The following TDRD9 variants were observed in gnomAD, a reference collection of about 807,000 sequenced individuals.
TDRD9 encodes the protein ATP-dependent RNA helicase TDRD9.
Under a neutral mutation model 172.6 loss-of-function variants are expected in TDRD9, and 124 were observed. The observed-to-expected ratio is 0.72, with a 90% CI of 0.62 to 0.83. The LOEUF (loss-of-function observed/expected upper bound fraction) is 0.83. Ranked by LOEUF, TDRD9 falls within the 40% of genes least tolerant of loss-of-function variation. TDRD9 has a pLI of 0.00. For synonymous variants in TDRD9, 619 were observed against 617.1 expected, an observed-to-expected ratio of 1.00 and a Z score of -0.05; for missense variants, 1,479 against 1,714.1, an observed-to-expected ratio of 0.86 and a Z score of 2.42.
At chr14:103,938,851 AT>A (rs1275614257) in intron 1 of TDRD9, among the ~76,000 whole-genome samples, 2 of 152,100 alleles carry the variant, frequency 1.3e-5, no homozygotes, top group Non-Finnish European at 2.9e-5. Flanking sequence ...TAAAATTTCT[AT>A]TTGATTTATA....
chr14:104,049,128 G>T (rs539867204), intron 34 of TDRD9, among the ~76,000 whole-genome samples: 1 of 151,710 alleles, frequency 6.6e-6, no homozygotes, highest in Non-Finnish European at 1.5e-5. Context: ...GTATGTGTGT[G>T]TGTGTGTGTG....
rs1483928412 is a variant in TDRD9, at chr14:103,938,436, A to ATTTTTTTTTTTT, written c.215+9713_215+9714insTTTTTTTTTTTT. On this transcript the variant is annotated intron_variant, in intron 1 of 35. Transcript: ENST00000409874. ...TGTGTATATATATATATATATATAT[A>ATTTTTTTTTTTT]TATATTTTTTTTTTTTTTTTGAGAT... 2.7e-4 allele frequency among the ~76,000 whole-genome samples: 11 copies of ATTTTTTTTTTTT among 40,558 alleles called. 1 individual carries two copies. The highest frequency in any genetic ancestry group is 2.0e-3 in the Admixed American group (4 of 1,956). 26.6% of individuals were successfully genotyped at this position (40,558 alleles called of 152,430 possible).
At chr14:103,940,950 A>G (rs1403447205) in intron 1 of TDRD9, 3 of 1,535,336 alleles carry the variant, frequency 2.0e-6, no homozygotes, top group African/African-American at 2.7e-5. Flanking sequence ...CTTGGATCAC[A>G]GAAGGAGCAG....
At chr14:103,937,005 T>C (rs1306813552) in intron 1 of TDRD9, among the ~76,000 whole-genome samples, 2 of 152,114 alleles carry the variant, frequency 1.3e-5, no homozygotes, top group Non-Finnish European at 2.9e-5. Context: ...CTCAGAAGGA[T>C]CATTTGAAGC....
intron 29 of TDRD9, among the ~76,000 whole-genome samples, chr14:104,031,468 GTTTTTTTT>G (rs55696833): frequency 2.9e-5 from 3 of 105,104 alleles, no homozygotes; most frequent in Non-Finnish European, 3.7e-5. Flanking sequence ...GCTTTGACTA[GTTTTTTTT>G]TTTTTTTTTT....
At chr14:103,984,225 T>C (rs1213866864) in intron 7 of TDRD9, among the ~76,000 whole-genome samples, 1 of 152,260 alleles carries the variant, frequency 6.6e-6, no homozygotes, top group Non-Finnish European at 1.5e-5. Flanking sequence ...TCAAGTCAGC[T>C]GCATAAATTT....
intron 1 of TDRD9, among the ~76,000 whole-genome samples, chr14:103,937,730 T>G (rs1429447332): frequency 6.6e-6 from 1 of 152,220 alleles, no homozygotes; most frequent in Non-Finnish European, 1.5e-5. Flanking sequence ...GATGAAATGT[T>G]TGAAGAATTA....
chr14:104,019,549 T>G (rs953004713), intron 23 of TDRD9, among the ~76,000 whole-genome samples: 5 of 152,292 alleles, frequency 3.3e-5, no homozygotes, highest in Admixed American at 2.0e-4. Context: ...ACCAATTTTT[T>G]GGGGGAAGTA....
chr14:103,933,960 C>T lies in TDRD9; in HGVS notation c.215+5236C>T, dbSNP rs186054800. 2.6e-5 allele frequency among the ~76,000 whole-genome samples: 4 copies of T among 152,250 alleles called. No homozygotes were observed. In the East Asian group the frequency reaches 7.7e-4, roughly 29 times the overall value. On this transcript the variant is annotated intron_variant, in intron 1 of 35. Coordinates refer to ENST00000409874, the MANE Select transcript of TDRD9 (RefSeq NM_153046.3). ...TCTTGTTGCCTTTTGGTATTCAGGC[C>T]TCACATAGATGTTAGTGTATGACTC...
chr14:103,961,658 A>G (rs1210289494), intron 2 of TDRD9, among the ~76,000 whole-genome samples: 1 of 152,130 alleles, frequency 6.6e-6, no homozygotes, highest in African/African-American at 2.4e-5. Context: ...TTTAGGAAGA[A>G]CATACTCACA....
intron 20 of TDRD9, among the ~76,000 whole-genome samples, chr14:104,011,927 T>C (rs1379655346): frequency 6.7e-6 from 1 of 150,092 alleles, no homozygotes; most frequent in Non-Finnish European, 1.5e-5. Context: ...AAAAAAAAAG[T>C]GCATGGGAGG....
At chr14:103,934,175 C>A (rs1185940986) in intron 1 of TDRD9, among the ~76,000 whole-genome samples, 1 of 152,082 alleles carries the variant, frequency 6.6e-6, no homozygotes, top group Non-Finnish European at 1.5e-5. Context: ...TGCCAGCATG[C>A]CTGGCTAATT....
intron 34 of TDRD9, among the ~76,000 whole-genome samples, chr14:104,044,068 G>T (rs1053199778): frequency 6.6e-6 from 1 of 152,176 alleles, no homozygotes; most frequent in Non-Finnish European, 1.5e-5. Context: ...ATGGGACAGG[G>T]CTCTCCTGCT....
Position 103,975,491 on chromosome 14 carries a change from G to A in TDRD9, c.949G>A (p.Gly317Ser), listed in dbSNP as rs752375781. Residue 317 changes from glycine (G) to serine (S), a missense_variant, in exon 7 of 36, where the codon GGC becomes AGC. Coordinates refer to ENST00000409874, the MANE Select transcript of TDRD9 (RefSeq NM_153046.3). ...MNPAYIFEVE[G>S]KPHSVEEYYL... Reference sequence around the variant, plus strand: ...TCCTGCATATATTTTTGAAGTGGAAGGCAAGCCCCATTCAGTTGAAGAGTA... The same window carrying A: ...TCCTGCATATATTTTTGAAGTGGAAAGCAAGCCCCATTCAGTTGAAGAGTA... 6 of 1,613,710 alleles carry A rather than the reference G, an allele frequency of 3.7e-6. No homozygotes were observed. Among genetic ancestry groups the A allele is most frequent in the Non-Finnish European group, 5.1e-6 (6 of 1,179,778 alleles).
At chr14:104,048,275 G>T in intron 34 of TDRD9, among the ~76,000 whole-genome samples, 1 of 152,156 alleles carries the variant, frequency 6.6e-6, no homozygotes, top group East Asian at 1.9e-4. Flanking sequence ...GTCTCACTTT[G>T]TTGCCTAAGC....
At chr14:103,991,283 T>G (rs372217172) in intron 9 of TDRD9, 59 bp downstream of exon 9, 12 of 1,558,180 alleles carry the variant, frequency 7.7e-6, no homozygotes, top group Non-Finnish European at 9.7e-6. Context: ...AGGCTAAGTT[T>G]GTGCCTAACA....
chr14:104,031,492 T>A (rs202009913), intron 29 of TDRD9, among the ~76,000 whole-genome samples: 2,853 of 145,566 alleles, frequency 0.02, 58 homozygotes, highest in East Asian at 0.06. Context: ...TTTTTTTTTT[T>A]AAACCCTCCT....
intron 28 of TDRD9, among the ~76,000 whole-genome samples, chr14:104,029,428 T>G (rs149846564): frequency 1.2e-4 from 19 of 152,316 alleles, no homozygotes; most frequent in African/African-American, 4.1e-4. Flanking sequence ...GGTATTTTAT[T>G]TTTGTAGGTA....
chr14:103,992,547 A>G (rs1159276730), intron 9 of TDRD9, among the ~76,000 whole-genome samples: 1 of 152,164 alleles, frequency 6.6e-6, no homozygotes, highest in Non-Finnish European at 1.5e-5. Flanking sequence ...AGCCATGTTG[A>G]TACTGGCTTA....
Sources: allele counts gnomAD v4.1 joint callset (sites outside exome capture counted in the v4.1 genomes callset), GRCh38; gene constraint gnomAD v4.1.1; transcripts MANE v1.5; gene names NCBI Gene and HGNC (gene_info 2026-07-23, HGNC 2026-07-21).